Variants in NEDD4 observed in about 807,000 individuals in gnomAD.
NEDD4 encodes NEDD4 E3 ubiquitin protein ligase, also known as E3 ubiquitin-protein ligase NEDD4.
NEDD4 carries 99 observed loss-of-function variants against 144.9 expected under a neutral mutation model. The ratio of observed to expected loss-of-function variants is 0.68; its 90% CI spans 0.58 to 0.81. NEDD4 has a LOEUF of 0.81. Ranked by LOEUF, NEDD4 falls within the 30% of genes least tolerant of loss-of-function variation. NEDD4 has a pLI of 0.00. For synonymous variants in NEDD4, 318 were observed against 350.6 expected, an observed-to-expected ratio of 0.91 and a Z score of 1.04; for missense variants, 985 against 1,065.9, an observed-to-expected ratio of 0.92 and a Z score of 1.06.
chr15:55,971,626 A>G (rs74989162), intron 1 of NEDD4, among the ~76,000 whole-genome samples: 2 of 68,884 alleles, frequency 2.9e-5, no homozygotes, highest in African/African-American at 1.1e-4. Flanking sequence ...CTCTGTCTCA[A>G]AAAAAAAAAA....
intron 5 of NEDD4, among the ~76,000 whole-genome samples, chr15:55,886,372 T>C (rs1323731223): frequency 2.0e-5 from 3 of 152,224 alleles, no homozygotes; most frequent in African/African-American, 7.2e-5. Flanking sequence ...TAGAGAACAC[T>C]TCATTCAACT....
chr15:55,980,239 T>C (rs1454594667), intron 1 of NEDD4, among the ~76,000 whole-genome samples: 1 of 152,230 alleles, frequency 6.6e-6, no homozygotes, highest in Non-Finnish European at 1.5e-5. Context: ...GGCCATCTTT[T>C]CATTAACTTT....
At chr15:55,852,615 C>G in intron 12 of NEDD4, 72 bp from the exon 13 acceptor site, 2 of 1,457,374 alleles carry the variant, frequency 1.4e-6, no homozygotes, top group Non-Finnish European at 9.4e-7. Context: ...CAAAAGTTCC[C>G]TCTGTCCCTA....
Position 55,863,409 on chromosome 15 carries a change from A to G in NEDD4, c.508-330T>C, listed in dbSNP as rs537078976. Among the ~76,000 whole-genome samples, 47 of 152,318 alleles carry G rather than the reference A, an allele frequency of 3.1e-4. No individual in the cohort carries two copies. The East Asian group carries it at 8.7e-3, about 28-fold the overall frequency. ...TCCCATCTCAAAACAACAATAAAACAGAACTTTAAAACAAATCTATTTAAA... is the reference window on the plus strand; with the variant it reads ...TCCCATCTCAAAACAACAATAAAACGGAACTTTAAAACAAATCTATTTAAA... On this transcript the variant is annotated intron_variant, in intron 8 of 28. Transcript: ENST00000435532.
At chr15:55,844,973 T>C (rs139348860) in intron 18 of NEDD4, among the ~76,000 whole-genome samples, 45 of 152,100 alleles carry the variant, frequency 3.0e-4, no homozygotes, top group Admixed American at 1.6e-3. Flanking sequence ...GCACCTGGTG[T>C]TTTTAATATT....
chr15:55,982,481 A>T (rs1271178607), intron 1 of NEDD4, among the ~76,000 whole-genome samples: 1 of 152,210 alleles, frequency 6.6e-6, no homozygotes, highest in Non-Finnish European at 1.5e-5. Context: ...CAAAAAAAGA[A>T]TCAAGACACA....
chr15:55,866,193 C>T (rs572013084), intron 8 of NEDD4, among the ~76,000 whole-genome samples: 34 of 152,086 alleles, frequency 2.2e-4, no homozygotes, highest in African/African-American at 7.9e-4. Flanking sequence ...GGATTACCAG[C>T]GTGAGCCACT....
chr15:55,901,228 T>C (rs1457616928), intron 5 of NEDD4, among the ~76,000 whole-genome samples: 1 of 152,168 alleles, frequency 6.6e-6, no homozygotes, highest in Non-Finnish European at 1.5e-5. Context: ...CTGTGAATTC[T>C]TTAGTTTAAA....
At chr15:55,883,688 C>A (rs879295452) in intron 5 of NEDD4, among the ~76,000 whole-genome samples, 12 of 82,502 alleles carry the variant, frequency 1.5e-4, no homozygotes, top group Admixed American at 7.5e-4. Flanking sequence ...AACACACACA[C>A]ACACACAAAC....
At chr15:55,932,914 GA>G (rs2036810986) in intron 4 of NEDD4, among the ~76,000 whole-genome samples, 1 of 152,192 alleles carries the variant, frequency 6.6e-6, no homozygotes, top group Non-Finnish European at 1.5e-5. Flanking sequence ...AAAGACACAT[GA>G]AAAAATGCTC....
chr15:55,991,188 CTTTACT>C (rs2037984060), intron 1 of NEDD4, among the ~76,000 whole-genome samples: 1 of 152,082 alleles, frequency 6.6e-6, no homozygotes, highest in Admixed American at 6.6e-5. Context: ...TGAAAAAGCA[CTTTACT>C]TTTAATCAAC....
At chr15:55,950,051 A>T (rs1438734890) in intron 4 of NEDD4, among the ~76,000 whole-genome samples, 3 of 152,218 alleles carry the variant, frequency 2.0e-5, no homozygotes, top group Admixed American at 6.5e-5. Flanking sequence ...CAACTTGGGA[A>T]TTTAAAAACA....
intron 4 of NEDD4, among the ~76,000 whole-genome samples, chr15:55,949,328 T>A (rs1227829364): frequency 6.6e-6 from 1 of 152,216 alleles, no homozygotes; most frequent in African/African-American, 2.4e-5. Flanking sequence ...TGTGGAGAAA[T>A]AGGAATACTT....
intron 7 of NEDD4, among the ~76,000 whole-genome samples, chr15:55,871,063 C>G (rs1161586265): frequency 6.6e-6 from 1 of 152,150 alleles, no homozygotes; most frequent in South Asian, 2.1e-4. Flanking sequence ...TTTAGCTCTT[C>G]TCTGTATGGT....
chr15:55,880,458 A>G (rs2035146594), intron 5 of NEDD4, among the ~76,000 whole-genome samples: 1 of 152,158 alleles, frequency 6.6e-6, no homozygotes, highest in South Asian at 2.1e-4. Flanking sequence ...CTGAAATATA[A>G]GAGAGTACTT....
chr15:55,892,641 C>G (rs1471413643), intron 5 of NEDD4, among the ~76,000 whole-genome samples: 1 of 122,608 alleles, frequency 8.2e-6, no homozygotes, highest in East Asian at 2.1e-4. Context: ...GAAAATGAAA[C>G]AGTTTCTACC....
chr15:55,840,652 A>G lies in NEDD4; in HGVS notation c.1914T>C (p.Ile638=), dbSNP rs1181317193. 4 of 1,614,012 alleles carry G rather than the reference A, an allele frequency of 2.5e-6. No individual in the cohort carries two copies. The highest frequency in any genetic ancestry group is 2.5e-6 in the Non-Finnish European group (3 of 1,180,006). ...NEDHLSYFKF[I]GRVAGMAVYH... is the part of the protein sequence containing the mutation. ...AAACTGCCATTCCAGCTACCCGACC[A>G]ATAAACTTGAAGTAAGAGAGGTGAT... The change falls in exon 20 of 29, where the codon ATT becomes ATC. Residue 638 remains isoleucine (I), a synonymous_variant. Coordinates refer to ENST00000435532, the MANE Select transcript of NEDD4 (RefSeq NM_006154.4).
chr15:55,973,028 G>A (rs2037637049), intron 1 of NEDD4, among the ~76,000 whole-genome samples: 1 of 152,154 alleles, frequency 6.6e-6, no homozygotes. Context: ...CTTCAATATA[G>A]TAATAGTTGG....
chr15:55,924,801 C>T, intron 4 of NEDD4, 102 bp from the exon 5 acceptor site: 12 of 1,143,012 alleles, frequency 1.0e-5, no homozygotes, highest in East Asian at 2.6e-5. Context: ...GGCATGGTGG[C>T]TCATGCCTGT....
Sources: gnomAD v4.1 joint callset for allele counts (sites outside exome capture counted in the v4.1 genomes callset) on GRCh38, gnomAD v4.1.1 for gene constraint, MANE v1.5 for transcripts, NCBI Gene and HGNC (gene_info 2026-07-23, HGNC 2026-07-21) for gene names.